Variants in NEURL1 observed in about 807,000 individuals in gnomAD.
NEURL1 encodes the protein neuralized E3 ubiquitin protein ligase 1, also known as E3 ubiquitin-protein ligase NEURL1.
A neutral mutation model predicts 41.2 loss-of-function variants in NEURL1; 26 were observed. The observed-to-expected ratio is 0.63, with a 90% CI of 0.46 to 0.87. NEURL1 has a LOEUF of 0.87. Ranked by LOEUF, NEURL1 falls within the 40% of genes least tolerant of loss-of-function variation. NEURL1 has a pLI of 0.00. For missense variants in NEURL1, 761 were observed against 871.1 expected, an observed-to-expected ratio of 0.87 and a Z score of 1.59; for synonymous variants, 400 against 402.3, an observed-to-expected ratio of 0.99 and a Z score of 0.07.
At chr10:103,496,088 C>G (rs186755346) in intron 1 of NEURL1, among the ~76,000 whole-genome samples, 2 of 149,538 alleles carry the variant, frequency 1.3e-5, no homozygotes, top group Admixed American at 1.3e-4. Flanking sequence ...CCAGCCTGAG[C>G]GACAGAGCGA....
rs1055794515 is a variant in NEURL1, at chr10:103,567,145, G to A, written c.86-3727G>A. 2.0e-5 allele frequency among the ~76,000 whole-genome samples: 3 copies of A among 151,462 alleles called. No individual in the cohort carries two copies. The South Asian group carries it at 6.3e-4, about 32-fold the overall frequency. On this transcript the variant is annotated intron_variant, in intron 1 of 5. Coordinates refer to ENST00000369780, the MANE Select transcript of NEURL1 (RefSeq NM_004210.5). ...ATTACAGGTATGTGCCACCCTGCCC[G>A]GGTAATTTTTGTATTTTTAGTAGAG...
At chr10:103,540,092 T>C (rs1271011004) in intron 1 of NEURL1, among the ~76,000 whole-genome samples, 2 of 152,250 alleles carry the variant, frequency 1.3e-5, no homozygotes, top group Non-Finnish European at 2.9e-5. Flanking sequence ...ACACTTAATA[T>C]ATTTTAAAAG....
At chr10:103,560,260 G>T (rs2035264874) in intron 1 of NEURL1, among the ~76,000 whole-genome samples, 1 of 152,236 alleles carries the variant, frequency 6.6e-6, no homozygotes, top group African/African-American at 2.4e-5. Context: ...GCCTGGCCTG[G>T]GGGGCTGGAA....
intron 1 of NEURL1, chr10:103,555,475 G>T (rs906965783): frequency 1.6e-6 from 2 of 1,282,424 alleles, no homozygotes; most frequent in Non-Finnish European, 2.1e-6. Flanking sequence ...TGGGGAGGCC[G>T]GGCGGAGGGG....
Position 103,571,680 on chromosome 10 carries a change from A to T in NEURL1, c.507A>T (p.Ala169=). The change falls in exon 3 of 6, where the codon GCA becomes GCT. Residue 169 remains alanine, a synonymous_variant. Coordinates refer to ENST00000369780, the MANE Select transcript of NEURL1 (RefSeq NM_004210.5). ...EEFANEGNII[A]FWVDKKGRVF... Reference sequence around the variant, plus strand: ...TTGCCAATGAGGGCAACATCATCGCATTCTGGGTGGACAAGAAGGGCCGTG... The same window carrying T: ...TTGCCAATGAGGGCAACATCATCGCTTTCTGGGTGGACAAGAAGGGCCGTG... The T allele has an allele frequency of 6.2e-7, 1 of 1,614,152 alleles. No individual in the cohort carries two copies. The highest frequency in any genetic ancestry group is 8.5e-7 in the Non-Finnish European group (1 of 1,179,988).
In NEURL1 at chr10:103,584,788, C is replaced by A; in HGVS notation, c.902C>A (p.Ala301Asp). Residue 301 changes from alanine (A) to aspartate (D), a missense_variant, in exon 4 of 6, where the codon GCC becomes GAC. By Grantham distance (126) the Ala-to-Asp change is moderately radical. Transcript: ENST00000369780. Reference sequence around the variant, plus strand: ...GACCTGCGTTTCCACGCCCTGCGCGCCGGCGCGCACGTCCGCATCCTCGAC... The same window carrying A: ...GACCTGCGTTTCCACGCCCTGCGCGACGGCGCGCACGTCCGCATCCTCGAC... ...DGDLRFHALR[A>D]GAHVRILDEQ... 1 of 1,436,656 alleles carries A rather than the reference C, an allele frequency of 7.0e-7. No individual in the cohort carries two copies. The highest frequency in any genetic ancestry group is 9.1e-7 in the Non-Finnish European group (1 of 1,100,094). 89.0% of individuals were successfully genotyped at this position (1,436,656 alleles called of 1,614,324 possible).
intron 3 of NEURL1, among the ~76,000 whole-genome samples, chr10:103,573,931 A>G (rs1937606443): frequency 6.6e-6 from 1 of 152,180 alleles, no homozygotes; most frequent in African/African-American, 2.4e-5. Flanking sequence ...TGCTTCTCTC[A>G]GTACTGAGCA....
At chr10:103,559,927 A>G (rs2035250574) in intron 1 of NEURL1, among the ~76,000 whole-genome samples, 1 of 149,966 alleles carries the variant, frequency 6.7e-6, no homozygotes, top group South Asian at 2.1e-4. Flanking sequence ...ATGCACACAC[A>G]TATTACACAC....
At chr10:103,528,522 G>A (rs1361735497) in intron 1 of NEURL1, among the ~76,000 whole-genome samples, 5 of 148,224 alleles carry the variant, frequency 3.4e-5, no homozygotes, top group Admixed American at 2.0e-4. Context: ...GCAATAGAGC[G>A]TGACTCCGTC....
In NEURL1 at chr10:103,584,906, C is replaced by A; in HGVS notation, c.1020C>A (p.Val340=). The A allele has an allele frequency of 6.8e-7, 1 of 1,468,726 alleles. No individual in the cohort carries two copies. 91.0% of individuals were successfully genotyped at this position (1,468,726 alleles called of 1,614,324 possible). Reference sequence around the variant, plus strand: ...TGCGCGTGGCCGAGACCATCTTCGTCAAGGTCACGCGCTCGGGTGGCGCGC... The same window carrying A: ...TGCGCGTGGCCGAGACCATCTTCGTAAAGGTCACGCGCTCGGGTGGCGCGC... ...RPVRVAETIF[V]KVTRSGGARP... is the part of the protein sequence containing the mutation. The change falls in exon 4 of 6, where the codon GTC becomes GTA. Residue 340 remains valine (V), a synonymous_variant. Coordinates refer to ENST00000369780, the MANE Select transcript of NEURL1 (RefSeq NM_004210.5).
At chr10:103,535,908 T>G (rs1254900058) in intron 1 of NEURL1, among the ~76,000 whole-genome samples, 1 of 152,136 alleles carries the variant, frequency 6.6e-6, no homozygotes, top group Non-Finnish European at 1.5e-5. Flanking sequence ...TTGTTCCAAT[T>G]CCAAGATGGC....
chr10:103,563,696 C>T (rs982301857), intron 1 of NEURL1, among the ~76,000 whole-genome samples: 1 of 152,186 alleles, frequency 6.6e-6, no homozygotes, highest in Non-Finnish European at 1.5e-5. Context: ...CAACTACCTA[C>T]TGAGTTTTAC....
At position 103,584,947 on chromosome 10, in the gene NEURL1, C is replaced by T. The variant is rs1311461114; in HGVS notation, c.1061C>T (p.Ser354Leu). 2.0e-6 allele frequency: 3 copies of T among 1,502,754 alleles called. No homozygotes were observed. Among genetic ancestry groups the T allele is most frequent in the African/African-American group, 2.9e-5 (2 of 69,148 alleles). The allele number at this position is 1,502,754 out of a possible 1,614,324, so 93.1% of individuals were successfully genotyped here. A position where few individuals can be genotyped will look rare whatever the true frequency, so the allele number is the denominator to read the frequency against. The change falls in exon 4 of 6, where the codon TCG becomes TTG. Residue 354 changes from serine to leucine, a missense_variant. Ser to Leu is a moderately radical substitution (Grantham distance 145, BLOSUM62 -2). This residue lies in a region of NEURL1 where 443 missense variants were observed against 408.1 expected (regional missense o/e 1.09). Transcript: ENST00000369780. ...GGTGGCGCGCGGCCCGGCGCGCTGT[C>T]GTTCGGCGTCACCACGTGCGACCCC... Reference protein sequence around the residue: ...RSGGARPGALSFGVTTCDPGT... With the variant: ...RSGGARPGALLFGVTTCDPGT...
chr10:103,549,708 G>A (rs1276667395), intron 1 of NEURL1, among the ~76,000 whole-genome samples: 1 of 152,176 alleles, frequency 6.6e-6, no homozygotes, highest in Admixed American at 6.5e-5. Context: ...CCACAGCAGG[G>A]TCACCTCCTC....
chr10:103,532,351 C>G (rs1324645567), intron 1 of NEURL1, among the ~76,000 whole-genome samples: 1 of 152,090 alleles, frequency 6.6e-6, no homozygotes, highest in Non-Finnish European at 1.5e-5. Context: ...TGTATTTGCT[C>G]TACCAGTGAG....
At chr10:103,551,832 G>A (rs2035038206) in intron 1 of NEURL1, among the ~76,000 whole-genome samples, 2 of 152,162 alleles carry the variant, frequency 1.3e-5, no homozygotes, top group Non-Finnish European at 2.9e-5. Flanking sequence ...AGACTGCAGT[G>A]TCAAAGGCCT....
chr10:103,555,533 G>A lies in NEURL1; in HGVS notation c.86-15339G>A, dbSNP rs553637399. 219 of 889,388 alleles carry A rather than the reference G, an allele frequency of 2.5e-4. 3 individuals are homozygous for A. The Admixed American group carries it at 6.0e-3, about 24-fold the overall frequency. The allele number at this position is 889,388 out of a possible 1,614,324, so 55.1% of individuals were successfully genotyped here. A position where few individuals can be genotyped will look rare whatever the true frequency, so the allele number is the denominator to read the frequency against. On this transcript the variant is annotated intron_variant, in intron 1 of 5. Transcript: ENST00000369780. ...ATGCCCCTACTTCTCACTCCATGGAGGGGTCTGGGGCTGTGTGGGGGCACC... is the reference window on the plus strand; with the variant it reads ...ATGCCCCTACTTCTCACTCCATGGAAGGGTCTGGGGCTGTGTGGGGGCACC...
chr10:103,531,821 C>G (rs1050134503), intron 1 of NEURL1, among the ~76,000 whole-genome samples: 1 of 152,072 alleles, frequency 6.6e-6, no homozygotes, highest in African/African-American at 2.4e-5. Flanking sequence ...TGCCTGGCCT[C>G]TGTCTCTCCC....
intron 1 of NEURL1, among the ~76,000 whole-genome samples, chr10:103,553,032 C>A (rs550413894): frequency 1.3e-5 from 2 of 152,114 alleles, no homozygotes; most frequent in Non-Finnish European, 2.9e-5. Context: ...GGGTGTGGGG[C>A]CATAGGAAGG....
Sources: allele counts gnomAD v4.1 joint callset (sites outside exome capture counted in the v4.1 genomes callset), GRCh38; gene constraint gnomAD v4.1.1; regional missense constraint gnomAD v4.1.1; transcripts MANE v1.5; gene names NCBI Gene and HGNC (gene_info 2026-07-23, HGNC 2026-07-21).